PKN2: variants seen among roughly 807,000 people sequenced by gnomAD.
PKN2 encodes serine/threonine-protein kinase N2.
A neutral mutation model predicts 119.1 loss-of-function variants in PKN2; 38 were observed. The ratio of observed to expected loss-of-function variants is 0.32; its 90% CI spans 0.25 to 0.42. PKN2 has a LOEUF of 0.42. Ranked by LOEUF, PKN2 falls within the 10% of genes least tolerant of loss-of-function variation. PKN2 has a pLI of 1.00. For missense variants in PKN2, 850 were observed against 1,165.1 expected, an observed-to-expected ratio of 0.73 and a Z score of 3.94; for synonymous variants, 390 against 384.9, an observed-to-expected ratio of 1.01 and a Z score of -0.15.
intron 18 of PKN2, among the ~76,000 whole-genome samples, chr1:88,824,917 A>G (rs1672436274): frequency 6.6e-6 from 1 of 152,190 alleles, no homozygotes; most frequent in African/African-American, 2.4e-5. Flanking sequence ...CTTTGCCACT[A>G]TTTGCTGTTT....
intron 19 of PKN2, chr1:88,829,336 AGCT>A: frequency 2.3e-6 from 1 of 442,182 alleles, no homozygotes; most frequent in Non-Finnish European, 4.4e-6. Flanking sequence ...CTACACCAAC[AGCT>A]CCACCGAGAT....
At chr1:88,818,110 A>C (rs1672087819) in intron 16 of PKN2, among the ~76,000 whole-genome samples, 1 of 152,194 alleles carries the variant, frequency 6.6e-6, no homozygotes, top group South Asian at 2.1e-4. Flanking sequence ...TCCCATTCAC[A>C]GTTGCTACAA....
At position 88,812,043 on chromosome 1, in the gene PKN2, T is replaced by C. The variant is rs1393247013; in HGVS notation, c.2103-1514T>C. The stretch of plus-strand genomic sequence containing the variant: ...ATGTTCTGGACAGGATGAATAAGGC[T>C]TAAAGTTTTAAATAAAGTTGGATTG... On this transcript the variant is annotated intron_variant, in intron 15 of 21. Transcript: ENST00000370521. Among the ~76,000 whole-genome samples the C allele has an allele frequency of 2.0e-5, 3 of 152,170 alleles. No individual in the cohort carries two copies. The East Asian group carries it at 5.8e-4, about 29-fold the overall frequency.
At position 88,742,741 on chromosome 1, in the gene PKN2, G is replaced by A. The variant is rs562017404; in HGVS notation, c.349+1453G>A. ...TTTTTTTTGCCTGTTACATCTTTAG[G>A]AGCGGTCTAAAATAAGAAACAGCAC... On this transcript the variant is annotated intron_variant, in intron 2 of 21. Coordinates refer to ENST00000370521, the MANE Select transcript of PKN2 (RefSeq NM_006256.4). Among the ~76,000 whole-genome samples the A allele has an allele frequency of 3.1e-3, 465 of 151,828 alleles. 4 individuals are homozygous for A. The highest frequency in any genetic ancestry group is 0.014 in the Middle Eastern group (4 of 294).
intron 1 of PKN2, among the ~76,000 whole-genome samples, chr1:88,728,032 T>TA (rs1667968129): frequency 6.6e-6 from 1 of 151,352 alleles, no homozygotes; most frequent in African/African-American, 2.4e-5. Flanking sequence ...TTTTTTTTTT[T>TA]TTATTCTTTG....
chr1:88,794,293 A>G (rs1489740039), intron 8 of PKN2, among the ~76,000 whole-genome samples: 2 of 151,180 alleles, frequency 1.3e-5, no homozygotes, highest in African/African-American at 4.9e-5. Context: ...CTTGAACCCG[A>G]GAGGCGGAGG....
At chr1:88,816,453 G>T (rs1292116800) in intron 16 of PKN2, among the ~76,000 whole-genome samples, 1 of 151,832 alleles carries the variant, frequency 6.6e-6, no homozygotes, top group Non-Finnish European at 1.5e-5. Flanking sequence ...CACTCTATTG[G>T]CCAGGCTGGT....
At chr1:88,765,897 C>T (rs1669651603) in intron 3 of PKN2, among the ~76,000 whole-genome samples, 1 of 152,122 alleles carries the variant, frequency 6.6e-6, no homozygotes, top group Non-Finnish European at 1.5e-5. Context: ...CTGCAGCCTC[C>T]ACCTCCCAGG....
chr1:88,724,265 TTAAA>T (rs1213546782), intron 1 of PKN2, among the ~76,000 whole-genome samples: 2 of 152,226 alleles, frequency 1.3e-5, no homozygotes, highest in African/African-American at 2.4e-5. Flanking sequence ...TTTCTTATAA[TTAAA>T]TAGTTTCTTG....
chr1:88,718,192 G>T (rs991893642), intron 1 of PKN2, among the ~76,000 whole-genome samples: 34 of 152,132 alleles, frequency 2.2e-4, no homozygotes, highest in Admixed American at 1.4e-3. Flanking sequence ...TGGAAGCTTT[G>T]TCTCAGAGGG....
intron 1 of PKN2, chr1:88,685,085 C>T (rs757355192): frequency 2.2e-4 from 35 of 156,884 alleles, no homozygotes; most frequent in Non-Finnish European, 3.6e-4. Context: ...TGTCCCTCCC[C>T]CTCCCCTCAG....
Position 88,770,868 on chromosome 1 carries a change from AGCCACCGC to A in PKN2, c.622+403_622+410del, listed in dbSNP as rs1417535315. ...CCAAAGTGCTGGGATTACAGGCGTG[AGCCACCGC>A]GCCCGGCCCTTTTTTTTTTTTTTAA... On this transcript the variant is annotated intron_variant, in intron 4 of 21. Transcript: ENST00000370521. Among the ~76,000 whole-genome samples the A allele has an allele frequency of 1.2e-4, 18 of 147,234 alleles. 1 individual carries two copies. In the South Asian group the frequency reaches 2.8e-3, roughly 23 times the overall value.
intron 2 of PKN2, among the ~76,000 whole-genome samples, chr1:88,747,789 T>C (rs1172744137): frequency 6.6e-6 from 1 of 152,118 alleles, no homozygotes; most frequent in Admixed American, 6.5e-5. Context: ...AGAAGGGAAT[T>C]ACTAATTTAG....
chr1:88,778,869 A>T (rs941602511), intron 6 of PKN2, among the ~76,000 whole-genome samples: 2 of 151,874 alleles, frequency 1.3e-5, no homozygotes, highest in Admixed American at 6.5e-5. Flanking sequence ...GCCCAACACC[A>T]TGCCTAGCTA....
intron 9 of PKN2, 93 bp from the exon 10 acceptor site, chr1:88,804,753 A>G: frequency 2.5e-6 from 2 of 788,068 alleles, no homozygotes; most frequent in Non-Finnish European, 4.1e-6. Flanking sequence ...CTAAACTGTA[A>G]CTAAGATTCT....
At chr1:88,777,434 C>T (rs1031288748) in intron 6 of PKN2, among the ~76,000 whole-genome samples, 2 of 151,990 alleles carry the variant, frequency 1.3e-5, no homozygotes, top group Non-Finnish European at 2.9e-5. Context: ...GTGAACTGAC[C>T]GTATTCTGTT....
intron 11 of PKN2, 24 bp from the exon 12 acceptor site, chr1:88,805,867 G>A: frequency 6.2e-7 from 1 of 1,612,508 alleles, no homozygotes; most frequent in African/African-American, 1.3e-5. Flanking sequence ...TACTGTTTTG[G>A]TGAGTTACTT....
In PKN2 at chr1:88,834,755, CTT is replaced by C. The variant is rs970796043; in HGVS notation, c.*1310_*1311del. ...GGATCCGTCTGTGGCTTTTTATACT[CTT>C]TTAGGGTTGTCTTTTTACAAACCAT... On this transcript the variant is annotated 3_prime_UTR_variant, in exon 22 of 22. Coordinates refer to ENST00000370521, the MANE Select transcript of PKN2 (RefSeq NM_006256.4). The C allele has an allele frequency of 5.3e-5, 8 of 152,202 alleles. No individual in the cohort carries two copies. The highest frequency in any genetic ancestry group is 1.9e-4 in the African/African-American group (8 of 41,418). 9.4% of individuals were successfully genotyped at this position (152,202 alleles called of 1,614,324 possible).
Position 88,753,104 on chromosome 1 carries a change from C to T in PKN2, c.350-7118C>T, listed in dbSNP as rs534467402. 3.9e-5 allele frequency among the ~76,000 whole-genome samples: 6 copies of T among 152,234 alleles called. No individual in the cohort carries two copies. In the East Asian group the frequency reaches 5.8e-4, roughly 15 times the overall value. On this transcript the variant is annotated intron_variant, in intron 2 of 21. Transcript: ENST00000370521. ...TGCTATTTTTATCTCTCAGACAATT[C>T]GAACTCCTTAGAATGCTTTTATTTG... is the stretch of plus-strand genomic sequence containing the variant.
Sources: allele counts gnomAD v4.1 joint callset (sites outside exome capture counted in the v4.1 genomes callset), GRCh38; gene constraint gnomAD v4.1.1; transcripts MANE v1.5; gene names NCBI Gene and HGNC (gene_info 2026-07-23, HGNC 2026-07-21).